Variants in C4orf33 observed in about 807,000 individuals in gnomAD.
C4orf33 encodes the protein UPF0462 protein C4orf33.
A neutral mutation model predicts 24.3 loss-of-function variants in C4orf33; 20 were observed. The observed-to-expected ratio is 0.82, with a 90% CI of 0.58 to 1.19. The LOEUF is 1.19. Ranked by LOEUF, C4orf33 falls within the 50% of genes most tolerant of loss-of-function variation. C4orf33 has a pLI of 0.00. For missense variants in C4orf33, 207 were observed against 225.9 expected (o/e 0.92, Z 0.54); for synonymous variants, 67 against 76.4 (o/e 0.88, Z 0.64).
intron 5 of C4orf33, among the ~76,000 whole-genome samples, chr4:129,110,285 G>A (rs919604794): frequency 6.6e-6 from 1 of 152,214 alleles, no homozygotes; most frequent in African/African-American, 2.4e-5. Flanking sequence ...GGAAGCTATG[G>A]CTATGGAGTT....
upstream of C4orf33, among the ~76,000 whole-genome samples, chr4:129,095,466 T>C (rs955339122): frequency 6.6e-6 from 1 of 152,228 alleles, no homozygotes; most frequent in Non-Finnish European, 1.5e-5. Flanking sequence ...TTAGTATAAA[T>C]TGAATACAAG....
intron 1 of C4orf33, among the ~76,000 whole-genome samples, chr4:129,098,288 C>T (rs1312952753): frequency 6.6e-6 from 1 of 152,006 alleles, no homozygotes; most frequent in East Asian, 1.9e-4. Context: ...GAGCATAGTA[C>T]CCAGTAGTTA....
intron 3 of C4orf33, 129 bp from the exon 4 acceptor site, chr4:129,109,178 A>G (rs1753608379): frequency 8.0e-6 from 8 of 1,006,066 alleles, no homozygotes; most frequent in Middle Eastern, 3.2e-4. Flanking sequence ...GTAAGCCACC[A>G]TGCTCAGCCT....
At chr4:129,104,954 A>G (rs1753470125) in intron 2 of C4orf33, among the ~76,000 whole-genome samples, 1 of 120,576 alleles carries the variant, frequency 8.3e-6, no homozygotes, top group Non-Finnish European at 1.9e-5. Context: ...ATATATGTGC[A>G]TCTGAGTGTG....
chr4:129,094,684 T>C (rs934168058), upstream of C4orf33, among the ~76,000 whole-genome samples: 2 of 152,266 alleles, frequency 1.3e-5, no homozygotes, highest in Admixed American at 1.3e-4. Context: ...TTAATAATCA[T>C]TGAAAAGGTC....
At chr4:129,109,750 C>A in intron 5 of C4orf33, 78 bp downstream of exon 5, 2 of 1,193,770 alleles carry the variant, frequency 1.7e-6, no homozygotes, top group Admixed American at 2.2e-5. Flanking sequence ...GCAGAAGTAA[C>A]ACTTTTGATC....
At chr4:129,103,016 A>ATTTT (rs11383422) in intron 2 of C4orf33, 50 of 176,206 alleles carry the variant, frequency 2.8e-4, no homozygotes, top group Non-Finnish European at 3.8e-4. Flanking sequence ...ACAAATCCAG[A>ATTTT]TTTTTTTTTT....
chr4:129,099,926 T>TA (rs967897919), intron 1 of C4orf33, among the ~76,000 whole-genome samples: 61 of 145,950 alleles, frequency 4.2e-4, no homozygotes, highest in East Asian at 6.0e-4. Context: ...ATATAAAGTT[T>TA]AAAAAAAAAA....
At chr4:129,104,608 A>G (rs1287733381) in intron 2 of C4orf33, among the ~76,000 whole-genome samples, 1 of 152,114 alleles carries the variant, frequency 6.6e-6, no homozygotes, top group African/African-American at 2.4e-5. Context: ...AATATTTCCT[A>G]ATTGTGTACC....
chr4:129,099,229 T>C (rs1753283361), intron 1 of C4orf33, among the ~76,000 whole-genome samples: 1 of 152,204 alleles, frequency 6.6e-6, no homozygotes, highest in African/African-American at 2.4e-5. Context: ...AACCAACTGA[T>C]GTTGGAAACG....
At position 129,109,495 on chromosome 4, in the gene C4orf33, G is replaced by C; in HGVS notation, c.317G>C (p.Arg106Thr). 1 of 1,613,618 alleles carries C rather than the reference G, an allele frequency of 6.2e-7. No homozygotes were observed. The highest frequency in any genetic ancestry group is 8.5e-7 in the Non-Finnish European group (1 of 1,179,538). Residue 106 changes from arginine (R) to threonine (T), a missense_variant, in exon 5 of 6, where the codon AGA becomes ACA. Physicochemically the swap from Arg to Thr is moderately conservative, Grantham distance 71. Transcript: ENST00000425929. ...TAGCAAGAACTTCCTTTATCGTTCA[G>C]AATGTCCAGAGGAGAGACAAAATGG... ...VWKQELPLSFRMSRGETKWEG... is the reference protein window; with the variant it reads ...VWKQELPLSFTMSRGETKWEG...
Position 129,113,090 on chromosome 4 carries a change from CTG to C in C4orf33, c.*1302_*1303del, listed in dbSNP as rs1753723306. The C allele has an allele frequency of 6.6e-6, 1 of 152,004 alleles. No individual in the cohort carries two copies. The highest frequency in any genetic ancestry group is 6.6e-5 in the Admixed American group (1 of 15,254). 9.4% of individuals were successfully genotyped at this position (152,004 alleles called of 1,614,324 possible). ...CTTGATTTTAGAAGCGAATCGAACACTGTGAATCACAGTTTCAGATATAAATC... is the reference window on the plus strand; with the variant it reads ...CTTGATTTTAGAAGCGAATCGAACACTGAATCACAGTTTCAGATATAAATC... On this transcript the variant is annotated 3_prime_UTR_variant, in exon 6 of 6. Transcript: ENST00000425929.
rs761338656 is a variant in C4orf33 at position 129,114,338 on chromosome 4, G to A, written c.*2547G>A. ...TACATCCCTCAGTTTAACAATTTAT[G>A]GTCCCTTCCACACAGCTCCTCAGAA... On this transcript the variant is annotated 3_prime_UTR_variant, in exon 6 of 6. Transcript: ENST00000425929. 7 of 152,144 alleles carry A rather than the reference G, an allele frequency of 4.6e-5. No individual in the cohort carries two copies. Among genetic ancestry groups the A allele is most frequent in the African/African-American group, 2.4e-5 (1 of 41,428 alleles). 9.4% of individuals were successfully genotyped at this position (152,144 alleles called of 1,614,324 possible).
rs896186929 is a variant in C4orf33, at chr4:129,102,574, G to C, written c.-9-28G>C. The C allele has an allele frequency of 3.3e-5, 48 of 1,468,688 alleles. No homozygotes were observed. In the Admixed American group the frequency reaches 3.9e-4, roughly 12 times the overall value. The allele number at this position is 1,468,688 out of a possible 1,614,324, so 91.0% of individuals were successfully genotyped here. A position where few individuals can be genotyped will look rare whatever the true frequency, so the allele number is the denominator to read the frequency against. On this transcript the variant is annotated intron_variant, in intron 1 of 5. Transcript: ENST00000425929. ...AAGAAAACATTTGTATATTGTTAAA[G>C]AGTTTGTTTTAACATATTTTCTTTT...
At chr4:129,102,860 T>C in intron 2 of C4orf33, 69 bp downstream of exon 2, 1 of 1,405,366 alleles carries the variant, frequency 7.1e-7, no homozygotes, top group South Asian at 1.4e-5. Flanking sequence ...AGAACTATTA[T>C]TTTATCTTGC....
chr4:129,103,869 C>T (rs1213212005), intron 2 of C4orf33, among the ~76,000 whole-genome samples: 1 of 152,164 alleles, frequency 6.6e-6, no homozygotes, highest in African/African-American at 2.4e-5. Flanking sequence ...ATCTTCTAGT[C>T]AATATGTCTA....
intron 2 of C4orf33, chr4:129,103,000 G>A (rs1046026848): frequency 4.9e-6 from 2 of 405,784 alleles, no homozygotes; most frequent in Non-Finnish European, 8.6e-6. Context: ...TTAAAAAATG[G>A]CAATTACAAA....
intron 1 of C4orf33, chr4:129,101,978 C>G (rs542040060): frequency 6.6e-6 from 1 of 152,226 alleles, no homozygotes; most frequent in African/African-American, 2.4e-5. Flanking sequence ...TTGGAACTCC[C>G]CATCCCCAAC....
In C4orf33 at chr4:129,115,810, A is replaced by ATAT. The variant is rs1454374298; in HGVS notation, c.*4020_*4022dup. On this transcript the variant is annotated 3_prime_UTR_variant, in exon 6 of 6. Transcript: ENST00000425929. ...ACAAATCTTCTAACTAAATATATATATATATATATATATATATATAAAATA... is the reference window on the plus strand; with the variant it reads ...ACAAATCTTCTAACTAAATATATATATATTATATATATATATATATATAAAATA... 6 of 124,042 alleles carry ATAT rather than the reference A, an allele frequency of 4.8e-5. No homozygotes were observed. Among genetic ancestry groups the ATAT allele is most frequent in the Non-Finnish European group, 3.3e-5 (2 of 59,992 alleles). The allele number at this position is 124,042 out of a possible 1,614,324, so 7.7% of individuals were successfully genotyped here.
Sources: gnomAD v4.1 joint callset for allele counts (sites outside exome capture counted in the v4.1 genomes callset) on GRCh38, gnomAD v4.1.1 for gene constraint, MANE v1.5 for transcripts, NCBI Gene and HGNC (gene_info 2026-07-23, HGNC 2026-07-21) for gene names.